Variants in CABIN1 observed in about 807,000 individuals in gnomAD.
The protein encoded by CABIN1 is calcineurin binding protein 1, also known as calcineurin-binding protein cabin-1.
In CABIN1, 133 loss-of-function variants were observed where a neutral mutation model predicts 227.7. The observed-to-expected ratio is 0.58, with a 90% CI of 0.51 to 0.67. The LOEUF is 0.67. Ranked by LOEUF, CABIN1 falls within the 30% of genes least tolerant of loss-of-function variation. CABIN1 has a pLI of 0.00. For synonymous variants in CABIN1, 1,086 were observed against 1,155.1 expected (o/e 0.94, Z 1.21); for missense variants, 2,408 against 2,852.5 (o/e 0.84, Z 3.55).
At chr22:24,090,335 A>C (rs1212999465) in intron 23 of CABIN1, among the ~76,000 whole-genome samples, 2 of 152,210 alleles carry the variant, frequency 1.3e-5, no homozygotes, top group Non-Finnish European at 2.9e-5. Flanking sequence ...ACACAGCTAC[A>C]AAGCAATTCA....
chr22:24,041,266 A>C lies in CABIN1; in HGVS notation c.338A>C (p.Tyr113Ser). 3 of 1,614,152 alleles carry C rather than the reference A, an allele frequency of 1.9e-6. No homozygotes were observed. The highest frequency in any genetic ancestry group is 2.5e-6 in the Non-Finnish European group (3 of 1,180,022). Residue 113 changes from tyrosine to serine, a missense_variant, in exon 5 of 37, where the codon TAC becomes TCC. This residue lies in a region of CABIN1 where 1,045 missense variants were observed against 1,168.4 expected (regional missense o/e 0.89). Transcript: ENST00000263119. ...REDLETAMEF[Y>S]LEAVMLDSTD... is the part of the protein sequence containing the mutation. ...GATCTGGAGACAGCCATGGAGTTCT[A>C]CTTAGAGGTGTGGTTTTGGCAGTGC...
intron 6 of CABIN1, among the ~76,000 whole-genome samples, chr22:24,047,623 C>T (rs1434554084): frequency 1.3e-5 from 2 of 152,362 alleles, no homozygotes; most frequent in East Asian, 1.9e-4. Context: ...CCTTTGTGCA[C>T]CTTGGGGCGT....
At chr22:24,068,470 G>A (rs899016202) in intron 16 of CABIN1, among the ~76,000 whole-genome samples, 53 of 152,258 alleles carry the variant, frequency 3.5e-4, no homozygotes, top group African/African-American at 1.3e-3. Context: ...AGAACAGCTG[G>A]ATGTGGCAGG....
chr22:24,137,633 T>C (rs1413255520), intron 29 of CABIN1, among the ~76,000 whole-genome samples: 1 of 152,272 alleles, frequency 6.6e-6, no homozygotes, highest in Non-Finnish European at 1.5e-5. Flanking sequence ...TTGGGGCCTC[T>C]GTCCTCCTCT....
At chr22:24,117,355 A>G (rs1361662820) in intron 27 of CABIN1, among the ~76,000 whole-genome samples, 1 of 152,110 alleles carries the variant, frequency 6.6e-6, no homozygotes, top group Non-Finnish European at 1.5e-5. Context: ...GTGCCACCAC[A>G]CCTGCCTAAT....
intron 27 of CABIN1, among the ~76,000 whole-genome samples, chr22:24,115,547 T>A (rs889432476): frequency 6.6e-6 from 1 of 152,194 alleles, no homozygotes; most frequent in East Asian, 1.9e-4. Context: ...CTTCCTGTTG[T>A]AAGAGCAGGT....
At chr22:24,132,537 A>G (rs1461745355) in intron 28 of CABIN1, among the ~76,000 whole-genome samples, 1 of 152,166 alleles carries the variant, frequency 6.6e-6, no homozygotes, top group African/African-American at 2.4e-5. Flanking sequence ...AGGCTTTCCA[A>G]AGCCTGGCTG....
chr22:24,098,242 C>T (rs373819457), intron 26 of CABIN1, 50 bp downstream of exon 26: 46 of 1,611,518 alleles, frequency 2.9e-5, no homozygotes, highest in Admixed American at 2.7e-4. Context: ...ACATCAATCA[C>T]GGGGGGGTGC....
At chr22:24,013,703 T>G (rs1193216342) in intron 1 of CABIN1, among the ~76,000 whole-genome samples, 1 of 152,220 alleles carries the variant, frequency 6.6e-6, no homozygotes, top group Non-Finnish European at 1.5e-5. Flanking sequence ...AAATTAAGGT[T>G]GTGTTTTCAT....
In CABIN1 at chr22:24,076,064, G is replaced by A. The variant is rs535536173; in HGVS notation, c.2633-105G>A. ...GAAAGGAAAAGTCTGTAGTCATGTT[G>A]ATAAAGACAGAAAAGCCCGAAAAGA... On this transcript the variant is annotated intron_variant, in intron 18 of 36. Transcript: ENST00000263119. 8.6e-6 allele frequency: 6 copies of A among 698,510 alleles called. No individual in the cohort carries two copies. The East Asian group carries it at 1.2e-4, about 14-fold the overall frequency. The allele number at this position is 698,510 out of a possible 1,614,324, so 43.3% of individuals were successfully genotyped here.
At position 24,178,230 on chromosome 22, in the gene CABIN1, G is replaced by T. The variant is rs774269999; in HGVS notation, c.*34G>T. 1.2e-6 allele frequency: 2 copies of T among 1,611,516 alleles called. No homozygotes were observed. The highest frequency in any genetic ancestry group is 2.2e-5 in the South Asian group (2 of 90,984). ...TGCAGCCCCACCGCCACGCCCCAGG[G>T]GACCAGCCAGGCCTGGAATGCCCCC... On this transcript the variant is annotated 3_prime_UTR_variant, in exon 37 of 37. Transcript: ENST00000263119.
rs1002812078 is a variant in CABIN1, at chr22:24,076,106, A to C, written c.2633-63A>C. ...CCGAAAAGAGGAGACTGAGCCTCGCAGCCCCTGCAGGCACGCAGGTTCCCA... is the reference window on the plus strand; with the variant it reads ...CCGAAAAGAGGAGACTGAGCCTCGCCGCCCCTGCAGGCACGCAGGTTCCCA... On this transcript the variant is annotated intron_variant, in intron 18 of 36. Transcript: ENST00000263119. The C allele has an allele frequency of 1.8e-5, 21 of 1,176,522 alleles. No individual in the cohort carries two copies. In the African/African-American group the frequency reaches 3.0e-4, roughly 17 times the overall value. The allele number at this position is 1,176,522 out of a possible 1,614,324, so 72.9% of individuals were successfully genotyped here.
chr22:24,106,039 C>G (rs1222420072), intron 26 of CABIN1, among the ~76,000 whole-genome samples: 1 of 152,200 alleles, frequency 6.6e-6, no homozygotes, highest in Non-Finnish European at 1.5e-5. Context: ...TTCCTGAGGC[C>G]AGAATTCCCT....
At chr22:24,071,143 C>T in intron 17 of CABIN1, 101 bp downstream of exon 17, 5 of 1,506,430 alleles carry the variant, frequency 3.3e-6, no homozygotes, top group Non-Finnish European at 4.6e-6. Context: ...TAATTAGGCA[C>T]CCAAAGGGGA....
At chr22:24,164,619 A>G in intron 30 of CABIN1, 56 bp downstream of exon 30, 1 of 1,574,114 alleles carries the variant, frequency 6.4e-7, no homozygotes, top group South Asian at 1.1e-5. Flanking sequence ...AGGGGCACAC[A>G]CACCCCAGGA....
chr22:24,134,537 G>A (rs2044273281), intron 29 of CABIN1, 122 bp downstream of exon 29: 1 of 757,700 alleles, frequency 1.3e-6, no homozygotes, highest in Non-Finnish European at 2.3e-6. Context: ...ATCCTCAGAG[G>A]GCAGGCAGGG....
In CABIN1 at chr22:24,035,643, A is replaced by T; in HGVS notation, c.3+123A>T. On this transcript the variant is annotated intron_variant, in intron 2 of 36. Coordinates refer to ENST00000263119, the MANE Select transcript of CABIN1 (RefSeq NM_012295.4). ...CTTATTATGGAGTAGCCTTCCTCCC[A>T]GGAAGGCTGTTGGCACCTTTGAGGG... 3.1e-6 allele frequency: 4 copies of T among 1,278,422 alleles called. No individual in the cohort carries two copies. The East Asian group carries it at 9.2e-5, about 30-fold the overall frequency. The allele number at this position is 1,278,422 out of a possible 1,614,324, so 79.2% of individuals were successfully genotyped here. A position where few individuals can be genotyped will look rare whatever the true frequency, so the allele number is the denominator to read the frequency against.
chr22:24,093,065 G>A (rs1390633442), intron 24 of CABIN1, among the ~76,000 whole-genome samples: 1 of 152,140 alleles, frequency 6.6e-6, no homozygotes, highest in African/African-American at 2.4e-5. Context: ...CTTTGTACTT[G>A]AAGCAGGGAG....
Position 24,054,999 on chromosome 22 carries a change from G to T in CABIN1, c.933G>T (p.Glu311Asp), listed in dbSNP as rs755769193. 6.2e-7 allele frequency: 1 copy of T among 1,614,236 alleles called. No individual in the cohort carries two copies. The highest frequency in any genetic ancestry group is 1.1e-5 in the South Asian group (1 of 91,086). The change falls in exon 9 of 37, where the codon GAG becomes GAT. Residue 311 changes from glutamate (E) to aspartate (D), a missense_variant. Coordinates refer to ENST00000263119, the MANE Select transcript of CABIN1 (RefSeq NM_012295.4). ...ACCAGGACCCCAGCCAGCCTCTTGA[G>T]TCCTCCATGGTGGTGACGCCAGTTA... ...SDYQDPSQPLESSMVVTPVNV... is the reference protein window; with the variant it reads ...SDYQDPSQPLDSSMVVTPVNV...
Sources: allele counts gnomAD v4.1 joint callset (sites outside exome capture counted in the v4.1 genomes callset), GRCh38; gene constraint gnomAD v4.1.1; regional missense constraint gnomAD v4.1.1; transcripts MANE v1.5; gene names NCBI Gene and HGNC (gene_info 2026-07-23, HGNC 2026-07-21).